BIRC6: variants seen among roughly 807,000 people sequenced by gnomAD.
The protein encoded by BIRC6 is baculoviral IAP repeat containing 6, also known as dual E2 ubiquitin-conjugating enzyme/E3 ubiquitin-protein ligase BIRC6.
In BIRC6, 98 loss-of-function variants were observed where a neutral mutation model predicts 503.3. The observed-to-expected ratio is 0.19, with a 90% confidence interval of 0.17 to 0.23. The LOEUF is 0.23. Ranked by LOEUF, BIRC6 falls within the 10% of genes least tolerant of loss-of-function variation. The pLI is 1.00. For synonymous variants in BIRC6, 2,240 were observed against 2,078.7 expected (o/e 1.08, Z -2.11); for missense variants, 5,360 against 5,806.0 (o/e 0.92, Z 2.50).
At chr2:32,371,069 C>T (rs567413465) in intron 1 of BIRC6, among the ~76,000 whole-genome samples, 9 of 151,380 alleles carry the variant, frequency 5.9e-5, no homozygotes, top group Admixed American at 4.6e-4. Flanking sequence ...AGAAATTAGC[C>T]GGGCGTGCTG....
chr2:32,521,479 T>C (rs1421574899), intron 57 of BIRC6, among the ~76,000 whole-genome samples: 1 of 151,408 alleles, frequency 6.6e-6, no homozygotes, highest in East Asian at 1.9e-4. Flanking sequence ...TTGTTTTTTG[T>C]TTTTTGTTTT....
intron 10 of BIRC6, 29 bp downstream of exon 10, chr2:32,416,192 T>G (rs777592653): frequency 1.3e-6 from 2 of 1,533,506 alleles, no homozygotes; most frequent in Non-Finnish European, 8.8e-7. Flanking sequence ...CTATAAATCT[T>G]ATAAAATCCA....
chr2:32,502,851 A>G lies in BIRC6; in HGVS notation c.9264A>G (p.Val3088=). The change falls in exon 48 of 74, where the codon GTA becomes GTG. Residue 3088 remains valine (V), a synonymous_variant. Transcript: ENST00000421745. The part of the protein sequence containing the change: ...SEPLLWFILR[V]LDTSDALKAF... The stretch of plus-strand genomic sequence containing the variant: ...CATTATTGTGGTTCATTTTGAGAGT[A>G]TTGGATACTAGTGATGCCTTGAAAG... 6.2e-7 allele frequency: 1 copy of G among 1,612,896 alleles called. No homozygotes were observed. The highest frequency in any genetic ancestry group is 8.5e-7 in the Non-Finnish European group (1 of 1,179,522).
chr2:32,595,920 T>TA (rs1309288411), intron 68 of BIRC6, among the ~76,000 whole-genome samples: 5 of 152,196 alleles, frequency 3.3e-5, no homozygotes, highest in Admixed American at 3.3e-4. Flanking sequence ...CTAATGATAT[T>TA]ACAGCCTTTT....
At chr2:32,510,031 C>T (rs1175018033) in intron 52 of BIRC6, 37 bp downstream of exon 52, 1 of 1,602,172 alleles carries the variant, frequency 6.2e-7, no homozygotes, top group East Asian at 2.2e-5. Context: ...GTTTACATAT[C>T]TGTAAAGTAA....
At chr2:32,483,448 C>G (rs1490586525) in intron 39 of BIRC6, among the ~76,000 whole-genome samples, 1 of 152,040 alleles carries the variant, frequency 6.6e-6, no homozygotes, top group Non-Finnish European at 1.5e-5. Flanking sequence ...TTTTGTTTTA[C>G]AAATCAGGAC....
At chr2:32,427,334 G>A (rs1382034054) in intron 10 of BIRC6, among the ~76,000 whole-genome samples, 2 of 151,834 alleles carry the variant, frequency 1.3e-5, no homozygotes, top group Non-Finnish European at 2.9e-5. Context: ...CCAGGCTGGA[G>A]TGCAGTGGCG....
chr2:32,594,987 T>C (rs764787553), intron 67 of BIRC6, 47 bp from the exon 68 acceptor site: 1 of 1,153,482 alleles, frequency 8.7e-7, no homozygotes, highest in Admixed American at 3.1e-5. Context: ...TTTTAAAATA[T>C]ATACTTAAAA....
chr2:32,529,905 C>G, intron 60 of BIRC6, 81 bp downstream of exon 60: 2 of 931,068 alleles, frequency 2.1e-6, no homozygotes, highest in Non-Finnish European at 1.5e-6. Context: ...ACTTAATTGA[C>G]TTGTGTTTTT....
intron 38 of BIRC6, 82 bp from the exon 39 acceptor site, chr2:32,482,347 G>T: frequency 2.2e-6 from 3 of 1,334,482 alleles, no homozygotes; most frequent in Non-Finnish European, 2.1e-6. Context: ...TTGTAGTTCT[G>T]TTTGGGTTTA....
chr2:32,424,995 C>G (rs1002345347), intron 10 of BIRC6, among the ~76,000 whole-genome samples: 1 of 152,020 alleles, frequency 6.6e-6, no homozygotes, highest in East Asian at 1.9e-4. Flanking sequence ...TTTGCACTTT[C>G]CTAATGATTA....
chr2:32,574,462 C>T (rs998218866), intron 65 of BIRC6: 1 of 152,242 alleles, frequency 6.6e-6, no homozygotes, highest in African/African-American at 2.4e-5. Context: ...TCCTAATAGC[C>T]TACTGTTGAC....
chr2:32,599,277 C>T (rs1043201258), intron 69 of BIRC6, among the ~76,000 whole-genome samples: 32 of 148,334 alleles, frequency 2.2e-4, no homozygotes, highest in Middle Eastern at 7.0e-3. Flanking sequence ...TGCAATGAGC[C>T]GAGATCACAC....
intron 23 of BIRC6, among the ~76,000 whole-genome samples, chr2:32,461,014 T>G (rs1558789025): frequency 1.9e-5 from 1 of 52,948 alleles, no homozygotes. Context: ...TCTCTTCTCT[T>G]CTCTTCTCTT....
Position 32,531,479 on chromosome 2 carries a change from T to A in BIRC6, c.12219T>A (p.Val4073=). The change falls in exon 61 of 74, where the codon GTT becomes GTA. Residue 4073 remains valine, a synonymous_variant. Transcript: ENST00000421745. ...ETCPIQSPLQ[V]FAGMGGLALI... ...GTCCAATTCAGTCACCATTACAAGT[T>A]TTTGCAGGAATGGGTGGACTGGCTC... 2 of 1,613,806 alleles carry A rather than the reference T, an allele frequency of 1.2e-6. No individual in the cohort carries two copies. The highest frequency in any genetic ancestry group is 8.5e-7 in the Non-Finnish European group (1 of 1,179,834).
intron 43 of BIRC6, among the ~76,000 whole-genome samples, chr2:32,490,364 A>T (rs1423057820): frequency 6.6e-6 from 1 of 152,198 alleles, no homozygotes; most frequent in Non-Finnish European, 1.5e-5. Flanking sequence ...CCTGGCCAAC[A>T]TGGTGAAACC....
At chr2:32,526,433 T>G (rs969298212) in intron 59 of BIRC6, 1 of 152,176 alleles carries the variant, frequency 6.6e-6, no homozygotes. Context: ...GATACCCTTA[T>G]GGGTAACAAT....
chr2:32,553,553 AT>A (rs1026654741), intron 65 of BIRC6, among the ~76,000 whole-genome samples: 1 of 151,294 alleles, frequency 6.6e-6, no homozygotes. Flanking sequence ...CACCCTGCTA[AT>A]TTTTTTTGTA....
At chr2:32,394,876 G>A (rs530603392) in intron 5 of BIRC6, among the ~76,000 whole-genome samples, 12 of 152,154 alleles carry the variant, frequency 7.9e-5, no homozygotes, top group Admixed American at 5.2e-4. Context: ...AAGAGGCTGG[G>A]TGCAGGGCTC....
Sources: allele counts gnomAD v4.1 joint callset (sites outside exome capture counted in the v4.1 genomes callset), GRCh38; gene constraint gnomAD v4.1.1; transcripts MANE v1.5; gene names NCBI Gene and HGNC (gene_info 2026-07-23, HGNC 2026-07-21).